Variants in CSMD3 observed in about 807,000 individuals in gnomAD.
CSMD3 encodes the protein CUB and sushi domain-containing protein 3.
A neutral mutation model predicts 435.2 loss-of-function variants in CSMD3; 177 were observed. The observed-to-expected ratio is 0.41, with a 90% CI of 0.36 to 0.46. The LOEUF (loss-of-function observed/expected upper bound fraction) is 0.46. Among genes scored for constraint, CSMD3 ranks in the 20% least tolerant of loss-of-function variants. The pLI, the probability that CSMD3 is intolerant of heterozygous loss-of-function variation, is 0.34. For synonymous variants in CSMD3, 1,656 were observed against 1,520.5 expected, an observed-to-expected ratio of 1.09 and a Z score of -2.07; for missense variants, 4,265 against 4,504.6, an observed-to-expected ratio of 0.95 and a Z score of 1.52.
chr8:112,699,195 G>A (rs944915489), intron 13 of CSMD3, among the ~76,000 whole-genome samples: 1 of 151,990 alleles, frequency 6.6e-6, no homozygotes, highest in African/African-American at 2.4e-5. Flanking sequence ...CACTCTTCGG[G>A]TCCGCAGTAC....
At chr8:112,463,938 T>C (rs986406747) in intron 32 of CSMD3, among the ~76,000 whole-genome samples, 2 of 152,126 alleles carry the variant, frequency 1.3e-5, no homozygotes, top group African/African-American at 4.8e-5. Context: ...ACTAAAACCC[T>C]ATAAAATGCC....
chr8:112,711,917 C>A (rs1033362870), intron 13 of CSMD3, among the ~76,000 whole-genome samples: 1 of 151,990 alleles, frequency 6.6e-6, no homozygotes, highest in Admixed American at 6.6e-5. Context: ...AGCACGACAC[C>A]AATTATATAT....
At chr8:112,333,322 C>A (rs1824251326) in intron 45 of CSMD3, among the ~76,000 whole-genome samples, 1 of 152,070 alleles carries the variant, frequency 6.6e-6, no homozygotes, top group Non-Finnish European at 1.5e-5. Context: ...CATGAACCAC[C>A]ACGCCTGGCT....
chr8:113,235,134 C>T (rs2093133354), intron 3 of CSMD3, among the ~76,000 whole-genome samples: 2 of 151,966 alleles, frequency 1.3e-5, no homozygotes, highest in South Asian at 4.2e-4. Context: ...TGAAAGTCTT[C>T]GGCAGGGAAT....
rs774825781 is a variant in CSMD3, at chr8:112,406,576, T to C, written c.5757A>G (p.Glu1919=). ...ILHGSIAIRC[E]TVPNSLAQWN... is the part of the protein sequence containing the mutation. ...ACTGGGCCAAAGAATTGGGCACTGT[T>C]TCACACCTAATTGCTATGGATCCAT... is the stretch of plus-strand genomic sequence containing the variant. Residue 1919 remains glutamate, a synonymous_variant, in exon 35 of 71, where the codon GAA becomes GAG. Coordinates refer to ENST00000297405, the MANE Select transcript of CSMD3 (RefSeq NM_198123.2). The C allele has an allele frequency of 1.2e-6, 2 of 1,612,680 alleles. No homozygotes were observed. The highest frequency in any genetic ancestry group is 3.3e-5 in the Admixed American group (2 of 59,926).
chr8:112,552,950 G>T (rs1031890646), intron 25 of CSMD3, among the ~76,000 whole-genome samples: 1 of 152,012 alleles, frequency 6.6e-6, no homozygotes, highest in Non-Finnish European at 1.5e-5. Flanking sequence ...CCTACTTAAA[G>T]AATTAAAACA....
At chr8:112,885,614 A>G (rs1472661792) in intron 10 of CSMD3, among the ~76,000 whole-genome samples, 6 of 151,746 alleles carry the variant, frequency 4.0e-5, no homozygotes, top group Non-Finnish European at 8.8e-5. Flanking sequence ...GCTTTAAAAA[A>G]CACTGTGTAA....
chr8:113,302,194 G>C (rs541036853), intron 2 of CSMD3, among the ~76,000 whole-genome samples: 25 of 141,304 alleles, frequency 1.8e-4, no homozygotes, highest in Non-Finnish European at 3.2e-4. Flanking sequence ...CAATACTTTT[G>C]AGATTTTATT....
intron 27 of CSMD3, among the ~76,000 whole-genome samples, chr8:112,536,713 C>T (rs542607166): frequency 0.013 from 1,847 of 141,144 alleles, 8 homozygotes; most frequent in African/African-American, 0.025. Flanking sequence ...TAAAGACACA[C>T]GCATGCGTAT....
intron 2 of CSMD3, among the ~76,000 whole-genome samples, chr8:113,291,924 T>C (rs1480687821): frequency 6.6e-6 from 1 of 151,876 alleles, no homozygotes; most frequent in African/African-American, 2.4e-5. Flanking sequence ...AGGTTCTACT[T>C]CTACTTACTT....
chr8:112,799,817 A>C, intron 13 of CSMD3, among the ~76,000 whole-genome samples: 1 of 151,936 alleles, frequency 6.6e-6, no homozygotes, highest in East Asian at 1.9e-4. Context: ...TAAGTATTTA[A>C]TAATTAGTAG....
intron 32 of CSMD3, among the ~76,000 whole-genome samples, chr8:112,441,550 T>C (rs1435263443): frequency 6.6e-6 from 1 of 152,214 alleles, no homozygotes; most frequent in Non-Finnish European, 1.5e-5. Flanking sequence ...CAATTTACTG[T>C]ATTAGTCCAT....
intron 5 of CSMD3, among the ~76,000 whole-genome samples, chr8:113,058,608 C>G (rs796764635): frequency 2.6e-5 from 4 of 151,950 alleles, no homozygotes; most frequent in African/African-American, 9.6e-5. Context: ...AAATAATACA[C>G]TTAAAGATGC....
intron 4 of CSMD3, among the ~76,000 whole-genome samples, chr8:113,138,998 G>A (rs898838433): frequency 6.6e-6 from 1 of 150,668 alleles, no homozygotes; most frequent in African/African-American, 2.4e-5. Flanking sequence ...AAAAGGAAAA[G>A]ACCTAAGATT....
chr8:113,322,451 T>C (rs925745608), intron 1 of CSMD3, among the ~76,000 whole-genome samples: 5 of 152,192 alleles, frequency 3.3e-5, no homozygotes, highest in African/African-American at 1.2e-4. Flanking sequence ...CAGTTTGTCA[T>C]AAATTAAACA....
intron 35 of CSMD3, among the ~76,000 whole-genome samples, chr8:112,394,416 A>G (rs1830701569): frequency 6.6e-6 from 1 of 152,172 alleles, no homozygotes; most frequent in Non-Finnish European, 1.5e-5. Flanking sequence ...TTAAGATCAT[A>G]TCACTCCCCA....
At chr8:112,636,020 T>C (rs2074646744) in intron 22 of CSMD3, among the ~76,000 whole-genome samples, 1 of 152,170 alleles carries the variant, frequency 6.6e-6, no homozygotes, top group Non-Finnish European at 1.5e-5. Context: ...AAAATGGCCA[T>C]TTGAATCTTA....
chr8:112,346,295 GT>G, intron 40 of CSMD3, 82 bp from the exon 41 acceptor site: 1 of 888,382 alleles, frequency 1.1e-6, no homozygotes, highest in African/African-American at 1.6e-5. Flanking sequence ...ATCATTTCAC[GT>G]TTTCAAGGCT....
At chr8:112,260,630 G>A (rs1816294668) in intron 61 of CSMD3, among the ~76,000 whole-genome samples, 1 of 151,692 alleles carries the variant, frequency 6.6e-6, no homozygotes, top group South Asian at 2.1e-4. Flanking sequence ...ACTCATCTTT[G>A]TAAAACCTAC....
Sources: allele counts gnomAD v4.1 joint callset (sites outside exome capture counted in the v4.1 genomes callset), GRCh38; gene constraint gnomAD v4.1.1; transcripts MANE v1.5; gene names NCBI Gene and HGNC (gene_info 2026-07-23, HGNC 2026-07-21).